Variants in PLCB1 observed in about 807,000 individuals in gnomAD.
PLCB1 encodes the protein phospholipase C beta 1, also known as 1-phosphatidylinositol 4,5-bisphosphate phosphodiesterase beta-1.
In PLCB1, 46 loss-of-function variants were observed where a neutral mutation model predicts 161.8. The ratio of observed to expected loss-of-function variants is 0.28; its 90% CI spans 0.22 to 0.36. PLCB1 has a LOEUF of 0.36. Ranked by LOEUF, PLCB1 falls within the 10% of genes least tolerant of loss-of-function variation. The pLI is 1.00. For missense variants in PLCB1, 1,016 were observed against 1,472.5 expected (o/e 0.69, Z 5.07); for synonymous variants, 517 against 503.7 (o/e 1.03, Z -0.35).
intron 2 of PLCB1, among the ~76,000 whole-genome samples, chr20:8,356,458 G>A (rs1180560313): frequency 6.6e-6 from 1 of 152,022 alleles, no homozygotes; most frequent in Non-Finnish European, 1.5e-5. Flanking sequence ...ACCATACTTT[G>A]AAAACCACTG....
intron 3 of PLCB1, among the ~76,000 whole-genome samples, chr20:8,534,321 C>G (rs1190103909): frequency 1.3e-5 from 2 of 152,198 alleles, no homozygotes; most frequent in Non-Finnish European, 2.9e-5. Flanking sequence ...GACTTACAGG[C>G]AGGAGCCACT....
intron 3 of PLCB1, among the ~76,000 whole-genome samples, chr20:8,585,276 G>A (rs890281561): frequency 1.4e-4 from 21 of 152,252 alleles, no homozygotes; most frequent in African/African-American, 4.6e-4. Context: ...CTCTGTGCAT[G>A]TCCTGGAGCC....
intron 18 of PLCB1, among the ~76,000 whole-genome samples, chr20:8,731,913 C>A (rs915781565): frequency 2.0e-5 from 3 of 151,752 alleles, no homozygotes; most frequent in African/African-American, 4.8e-5. Context: ...TTTTTCTGCT[C>A]TAAAAATGAT....
intron 3 of PLCB1, among the ~76,000 whole-genome samples, chr20:8,419,004 G>T (rs1251616383): frequency 2.0e-5 from 3 of 152,132 alleles, no homozygotes; most frequent in African/African-American, 7.2e-5. Context: ...TTTCACCAAA[G>T]CTCATTAATG....
At position 8,268,579 on chromosome 20, in the gene PLCB1, AC is replaced by A. The variant is rs1982104129; in HGVS notation, c.178-102801del. On this transcript the variant is annotated intron_variant, in intron 2 of 31. Transcript: ENST00000338037. ...AATGGTTGAACTAATTTACAGTCCC[AC>A]CAACAGTGTAAAAGTGTTCCTATTT... Among the ~76,000 whole-genome samples, 4 of 152,320 alleles carry A rather than the reference AC, an allele frequency of 2.6e-5. No individual in the cohort carries two copies. In the South Asian group the frequency reaches 8.3e-4, roughly 32 times the overall value.
intron 23 of PLCB1, among the ~76,000 whole-genome samples, chr20:8,748,221 A>T (rs1981270655): frequency 6.6e-6 from 1 of 152,176 alleles, no homozygotes; most frequent in Non-Finnish European, 1.5e-5. Flanking sequence ...TACTGTACAG[A>T]TTTGGCATTC....
At chr20:8,355,564 A>G (rs1986337842) in intron 2 of PLCB1, among the ~76,000 whole-genome samples, 1 of 152,174 alleles carries the variant, frequency 6.6e-6, no homozygotes, top group African/African-American at 2.4e-5. Flanking sequence ...GACCCTCCTT[A>G]AATGCAAGCA....
intron 2 of PLCB1, among the ~76,000 whole-genome samples, chr20:8,214,021 A>C (rs1403368800): frequency 1.3e-5 from 2 of 152,138 alleles, no homozygotes; most frequent in Admixed American, 1.3e-4. Flanking sequence ...AAGCAGGGAC[A>C]ATAGAAAATG....
chr20:8,473,476 G>T (rs1982143006), intron 3 of PLCB1, among the ~76,000 whole-genome samples: 1 of 152,144 alleles, frequency 6.6e-6, no homozygotes, highest in Admixed American at 6.6e-5. Context: ...ACAAATAACT[G>T]ACTCTTTATA....
At chr20:8,789,222 T>A (rs148037197) in intron 29 of PLCB1, among the ~76,000 whole-genome samples, 85 of 152,166 alleles carry the variant, frequency 5.6e-4, no homozygotes, top group African/African-American at 2.0e-3. Context: ...TACAAAAAAA[T>A]TTTAAGATTA....
intron 2 of PLCB1, among the ~76,000 whole-genome samples, chr20:8,340,479 G>T (rs1394534553): frequency 2.0e-5 from 3 of 152,056 alleles, no homozygotes; most frequent in African/African-American, 7.2e-5. Context: ...CTGGAGTGCA[G>T]TGGCGCGATC....
At chr20:8,528,685 G>A (rs895681647) in intron 3 of PLCB1, among the ~76,000 whole-genome samples, 5 of 151,850 alleles carry the variant, frequency 3.3e-5, no homozygotes, top group African/African-American at 7.3e-5. Context: ...CGGGATTTCC[G>A]TAACTCTTAC....
chr20:8,651,525 A>G (rs2123301626), intron 7 of PLCB1: 1 of 716,888 alleles, frequency 1.4e-6, no homozygotes, highest in South Asian at 1.5e-5. Flanking sequence ...CCTGCTTGCT[A>G]TTGCTTTTTT....
intron 26 of PLCB1, among the ~76,000 whole-genome samples, chr20:8,771,055 G>C (rs558354427): frequency 6.6e-6 from 1 of 152,156 alleles, no homozygotes; most frequent in East Asian, 1.9e-4. Flanking sequence ...CTAAGCTTTG[G>C]ACAAATTATC....
chr20:8,179,840 T>C (rs1252964074), intron 2 of PLCB1, among the ~76,000 whole-genome samples: 2 of 145,976 alleles, frequency 1.4e-5, no homozygotes, highest in East Asian at 4.0e-4. Flanking sequence ...CCTAGTTTGT[T>C]GAGGGCTTTT....
rs577127266 is a variant in PLCB1, at chr20:8,757,330, A to G, written c.2656+152A>G. ...AGCTCCGTCAATGTGCAATTAATGAATGAAAGCCAGAAGAGAGTCATATGT... is the reference window on the plus strand; with the variant it reads ...AGCTCCGTCAATGTGCAATTAATGAGTGAAAGCCAGAAGAGAGTCATATGT... On this transcript the variant is annotated intron_variant, in intron 24 of 31. Transcript: ENST00000338037. 16 of 723,020 alleles carry G rather than the reference A, an allele frequency of 2.2e-5. No homozygotes were observed. The South Asian group carries it at 4.7e-4, about 21-fold the overall frequency. 44.8% of individuals were successfully genotyped at this position (723,020 alleles called of 1,614,324 possible).
chr20:8,405,587 TCTA>T (rs1978752283), intron 3 of PLCB1, among the ~76,000 whole-genome samples: 1 of 152,176 alleles, frequency 6.6e-6, no homozygotes, highest in Non-Finnish European at 1.5e-5. Context: ...TTGCAATCAA[TCTA>T]CCCCACTTTC....
chr20:8,380,267 A>G (rs577835349), intron 3 of PLCB1, among the ~76,000 whole-genome samples: 1 of 151,992 alleles, frequency 6.6e-6, no homozygotes, highest in Admixed American at 6.5e-5. Context: ...TGAAGATCAG[A>G]TGGTTGTAGG....
At chr20:8,822,953 G>T (rs973855924) in intron 31 of PLCB1, among the ~76,000 whole-genome samples, 1 of 152,166 alleles carries the variant, frequency 6.6e-6, no homozygotes, top group Non-Finnish European at 1.5e-5. Flanking sequence ...AACGGTGTCT[G>T]TACTGAACGT....
Sources: gnomAD v4.1 joint callset for allele counts (sites outside exome capture counted in the v4.1 genomes callset) on GRCh38, gnomAD v4.1.1 for gene constraint, MANE v1.5 for transcripts, NCBI Gene and HGNC (gene_info 2026-07-23, HGNC 2026-07-21) for gene names.